HTR4: variants seen among roughly 807,000 people sequenced by gnomAD.
HTR4 encodes the protein 5-hydroxytryptamine receptor 4.
HTR4 carries 16 observed loss-of-function variants against 36.8 expected under a neutral mutation model. The ratio of observed to expected loss-of-function variants is 0.43; its 90% CI spans 0.29 to 0.66. HTR4 has a LOEUF of 0.66. HTR4 is among the 30% of genes least tolerant of loss of function. HTR4 has a pLI of 0.13. For missense variants in HTR4, 438 were observed against 490.9 expected (o/e 0.89, Z 1.02); for synonymous variants, 189 against 185.1 (o/e 1.02, Z -0.17).
chr5:148,528,142 A>G (rs1392153608), intron 4 of HTR4, among the ~76,000 whole-genome samples: 1 of 152,142 alleles, frequency 6.6e-6, no homozygotes, highest in African/African-American at 2.4e-5. Flanking sequence ...GGGAAAAAGG[A>G]TTTTATTTTA....
At chr5:148,465,678 ATAAACCAC>A (rs1427991925) in intron 5 of HTR4, among the ~76,000 whole-genome samples, 1 of 152,218 alleles carries the variant, frequency 6.6e-6, no homozygotes, top group Non-Finnish European at 1.5e-5. Flanking sequence ...AGAAAATTAA[ATAAACCAC>A]TGAAACTATA....
At chr5:148,626,108 A>G (rs1378089520) in intron 2 of HTR4, among the ~76,000 whole-genome samples, 1 of 152,178 alleles carries the variant, frequency 6.6e-6, no homozygotes, top group Non-Finnish European at 1.5e-5. Context: ...TAGGGGTGTC[A>G]TCTGGGTGAT....
intron 1 of HTR4, among the ~76,000 whole-genome samples, chr5:148,641,889 TAAG>T (rs1380510873): frequency 1.3e-5 from 2 of 152,186 alleles, no homozygotes; most frequent in Non-Finnish European, 2.9e-5. Context: ...ATCTCTATTA[TAAG>T]AAGTGTGAGC....
chr5:148,490,341 A>T (rs1357401498), intron 6 of HTR4, among the ~76,000 whole-genome samples: 8 of 151,926 alleles, frequency 5.3e-5, no homozygotes, highest in African/African-American at 1.9e-4. Flanking sequence ...TACATTTTCT[A>T]CCAACCCCAG....
chr5:148,593,008 T>C (rs1272053614), intron 2 of HTR4, among the ~76,000 whole-genome samples: 1 of 152,202 alleles, frequency 6.6e-6, no homozygotes. Context: ...ATGGCTGTCT[T>C]ATGGTTTCAA....
intron 2 of HTR4, among the ~76,000 whole-genome samples, chr5:148,576,475 A>G (rs1019897615): frequency 2.0e-5 from 3 of 152,022 alleles, no homozygotes; most frequent in Non-Finnish European, 4.4e-5. Context: ...CTATTTTAAA[A>G]TTTATATGGA....
intron 1 of HTR4, among the ~76,000 whole-genome samples, chr5:148,643,111 G>A (rs1753777439): frequency 1.3e-5 from 2 of 152,172 alleles, no homozygotes; most frequent in South Asian, 2.1e-4. Context: ...CAATACGGAC[G>A]CCAATTCCAT....
Position 148,598,056 on chromosome 5 carries a change from G to T in HTR4, c.26+38933C>A, listed in dbSNP as rs139703279. Reference sequence around the variant, plus strand: ...TTCCAGAATGTTGGAGGAAGAAAAGGTTTATCTGGGATTACTTAAGTAGCC... The same window carrying T: ...TTCCAGAATGTTGGAGGAAGAAAAGTTTTATCTGGGATTACTTAAGTAGCC... On this transcript the variant is annotated intron_variant, in intron 2 of 6. Coordinates refer to ENST00000377888, the MANE Select transcript of HTR4 (RefSeq NM_000870.7). 4.9e-4 allele frequency among the ~76,000 whole-genome samples: 75 copies of T among 152,280 alleles called. No homozygotes were observed. In the East Asian group the frequency reaches 0.014, roughly 29 times the overall value.
At chr5:148,616,941 T>C (rs1006626821) in intron 2 of HTR4, among the ~76,000 whole-genome samples, 1 of 152,204 alleles carries the variant, frequency 6.6e-6, no homozygotes, top group Non-Finnish European at 1.5e-5. Context: ...ACTCTACTAA[T>C]CTTATTGCAT....
At chr5:148,461,695 A>T (rs1482941912) in intron 5 of HTR4, among the ~76,000 whole-genome samples, 1 of 152,032 alleles carries the variant, frequency 6.6e-6, no homozygotes, top group East Asian at 1.9e-4. Flanking sequence ...TCTCTATCAT[A>T]AATGAACAGA....
At chr5:148,556,221 G>A (rs953019835) in intron 2 of HTR4, among the ~76,000 whole-genome samples, 6 of 152,044 alleles carry the variant, frequency 3.9e-5, no homozygotes, top group Admixed American at 6.5e-5. Flanking sequence ...ACAGGGTTTC[G>A]CCATGTGGGT....
intron 6 of HTR4, among the ~76,000 whole-genome samples, chr5:148,504,858 A>G (rs1757117417): frequency 6.6e-6 from 1 of 152,236 alleles, no homozygotes; most frequent in Non-Finnish European, 1.5e-5. Flanking sequence ...AGAGAATACT[A>G]TAAACACCTC....
rs188263367 is a variant in HTR4, at chr5:148,493,350, G to A, written c.1077-10057C>T. 2.0e-3 allele frequency among the ~76,000 whole-genome samples: 310 copies of A among 152,270 alleles called. 6 individuals carry two copies. Among genetic ancestry groups the A allele is most frequent in the Admixed American group, 0.019 (298 of 15,294 alleles). On this transcript the variant is annotated intron_variant, in intron 6 of 6. Transcript: ENST00000377888. Reference sequence around the variant, plus strand: ...TAGTAGAATGTGTATGTATCAAAAAGTGAAATAAAAGCAGTTGAGTTAGTT... The same window carrying A: ...TAGTAGAATGTGTATGTATCAAAAAATGAAATAAAAGCAGTTGAGTTAGTT...
intron 6 of HTR4, among the ~76,000 whole-genome samples, chr5:148,498,030 A>G (rs1756763578): frequency 6.6e-6 from 1 of 152,252 alleles, no homozygotes; most frequent in South Asian, 2.1e-4. Context: ...ACACAATTGC[A>G]GACATCTCTG....
intron 2 of HTR4, among the ~76,000 whole-genome samples, chr5:148,636,085 A>G (rs1753525395): frequency 6.6e-6 from 1 of 152,100 alleles, no homozygotes; most frequent in Admixed American, 6.6e-5. Flanking sequence ...AACACATTCT[A>G]CCCTCAAGAA....
In HTR4 at chr5:148,509,518, G is replaced by A; in HGVS notation, c.1014C>T (p.Ser338=). The stretch of plus-strand genomic sequence containing the variant: ...AACAAGGGACAGTCTGGCCCAGAAT[G>A]GAAGGTCTTCGGTAGCGCTCATCAT... ...CCDDERYRRP[S]ILGQTVPCST... Residue 338 remains serine, a synonymous_variant, in exon 6 of 7, where the codon TCC becomes TCT. Transcript: ENST00000377888. 6.2e-7 allele frequency: 1 copy of A among 1,613,942 alleles called. No individual in the cohort carries two copies. The highest frequency in any genetic ancestry group is 8.5e-7 in the Non-Finnish European group (1 of 1,179,942).
chr5:148,643,509 G>T (rs759396572), intron 1 of HTR4, among the ~76,000 whole-genome samples: 3 of 152,072 alleles, frequency 2.0e-5, no homozygotes, highest in Non-Finnish European at 4.4e-5. Context: ...GTGAATCTGG[G>T]AATTTTGTGG....
downstream of HTR4, chr5:148,476,720 G>T: frequency 6.2e-7 from 1 of 1,613,044 alleles, no homozygotes; most frequent in Non-Finnish European, 8.5e-7. Flanking sequence ...ATAAGAATTG[G>T]CCACAGTCCT....
At chr5:148,567,171 C>T (rs1241182222) in intron 2 of HTR4, among the ~76,000 whole-genome samples, 5 of 152,056 alleles carry the variant, frequency 3.3e-5, no homozygotes, top group African/African-American at 7.2e-5. Flanking sequence ...TTTGCCCATC[C>T]ACCTGAAGCT....
Sources: allele counts gnomAD v4.1 joint callset (sites outside exome capture counted in the v4.1 genomes callset), GRCh38; gene constraint gnomAD v4.1.1; transcripts MANE v1.5; gene names NCBI Gene and HGNC (gene_info 2026-07-23, HGNC 2026-07-21).